Variants in NRXN3 observed in about 807,000 individuals in gnomAD.
NRXN3 encodes neurexin III.
Under a neutral mutation model 137.6 loss-of-function variants are expected in NRXN3, and 32 were observed. The observed-to-expected ratio is 0.23, with a 90% CI of 0.18 to 0.31. The LOEUF (loss-of-function observed/expected upper bound fraction) is 0.31. Ranked by LOEUF, NRXN3 falls within the 10% of genes least tolerant of loss-of-function variation. NRXN3 has a pLI of 1.00. For synonymous variants in NRXN3, 798 were observed against 784.5 expected (o/e 1.02, Z -0.29); for missense variants, 1,574 against 2,062.5 (o/e 0.76, Z 4.59).
chr14:79,694,494 G>C (rs190101001), intron 18 of NRXN3, among the ~76,000 whole-genome samples: 208 of 151,588 alleles, frequency 1.4e-3, no homozygotes, highest in Non-Finnish European at 2.7e-3. Context: ...ATAGTTCTCA[G>C]ATTAGGATAT....
At chr14:78,744,313 G>C (rs1484246838) in intron 8 of NRXN3, 1 of 152,202 alleles carries the variant, frequency 6.6e-6, no homozygotes, top group African/African-American at 2.4e-5. Flanking sequence ...GTTTCTAGTA[G>C]AGGCGGGGTT....
intron 19 of NRXN3, among the ~76,000 whole-genome samples, chr14:79,776,787 A>G (rs1254080165): frequency 1.3e-5 from 2 of 152,174 alleles, no homozygotes; most frequent in Non-Finnish European, 2.9e-5. Flanking sequence ...TTTTTTCCCA[A>G]TGTACTGGGG....
At chr14:79,395,681 C>T (rs549481781) in intron 15 of NRXN3, among the ~76,000 whole-genome samples, 5 of 151,936 alleles carry the variant, frequency 3.3e-5, no homozygotes, top group East Asian at 1.9e-4. Flanking sequence ...TGGTGGTGGG[C>T]GCCTGTAGTC....
intron 15 of NRXN3, among the ~76,000 whole-genome samples, chr14:79,058,222 G>A (rs2099668558): frequency 6.6e-6 from 1 of 152,076 alleles, no homozygotes; most frequent in African/African-American, 2.4e-5. Context: ...TCAAACTGAG[G>A]TTGGAAACCA....
At chr14:79,126,349 A>G (rs1472443121) in intron 15 of NRXN3, among the ~76,000 whole-genome samples, 5 of 63,634 alleles carry the variant, frequency 7.9e-5, no homozygotes, top group Non-Finnish European at 1.1e-4. Context: ...GACCGTCCCC[A>G]GAGTGTGATG....
rs1268614101 is a variant in NRXN3, at chr14:79,617,923, A to AAAAAACAAAAAAAACAAAAAAAAAC, written c.3445-45850_3445-45849insCAAAAAAAACAAAAAAAAACAAAAA. 4.0e-5 allele frequency among the ~76,000 whole-genome samples: 6 copies of AAAAAACAAAAAAAACAAAAAAAAAC among 149,848 alleles called. 1 individual carries two copies. Among genetic ancestry groups the AAAAAACAAAAAAAACAAAAAAAAAC allele is most frequent in the African/African-American group, 1.5e-4 (6 of 39,542 alleles). On this transcript the variant is annotated intron_variant, in intron 16 of 20. Transcript: ENST00000335750. ...GATAGGAGCTGAATAGCAGCAAAAA[A>AAAAAACAAAAAAAACAAAAAAAAAC]AAAAAAAAACATGCTTATGAAGAGC...
intron 16 of NRXN3, among the ~76,000 whole-genome samples, chr14:79,555,288 G>C (rs1219369753): frequency 6.6e-6 from 1 of 152,162 alleles, no homozygotes; most frequent in African/African-American, 2.4e-5. Flanking sequence ...GGAAGGGTAA[G>C]ACTATAGTAT....
chr14:78,547,071 C>A (rs1431971642), intron 4 of NRXN3, among the ~76,000 whole-genome samples: 1 of 152,146 alleles, frequency 6.6e-6, no homozygotes, highest in Non-Finnish European at 1.5e-5. Flanking sequence ...CTCACATATA[C>A]CAGAGTTTAT....
intron 8 of NRXN3, among the ~76,000 whole-genome samples, chr14:78,715,667 G>A (rs1337742836): frequency 6.6e-6 from 1 of 152,138 alleles, no homozygotes; most frequent in Middle Eastern, 3.2e-3. Flanking sequence ...CATAAACTCT[G>A]GGGCCAGACT....
chr14:79,410,396 G>A lies in NRXN3; in HGVS notation c.3263-56825G>A, dbSNP rs61993135. ...TGTATTATTTATAGGGGCTTCTTTC[G>A]TGTGTTCGTTTAAAATGTAGTTATC... On this transcript the variant is annotated intron_variant, in intron 15 of 20. Transcript: ENST00000335750. 4.0e-3 allele frequency among the ~76,000 whole-genome samples: 600 copies of A among 151,464 alleles called. 6 individuals are homozygous for A. The highest frequency in any genetic ancestry group is 5.6e-3 in the Non-Finnish European group (380 of 67,862).
intron 15 of NRXN3, among the ~76,000 whole-genome samples, chr14:79,143,628 A>T (rs888156974): frequency 6.6e-6 from 1 of 152,252 alleles, no homozygotes; most frequent in Non-Finnish European, 1.5e-5. Context: ...ATACTGCAGA[A>T]TAAATATGAT....
intron 10 of NRXN3, among the ~76,000 whole-genome samples, chr14:78,953,752 G>T (rs17108397): frequency 6.6e-6 from 1 of 151,808 alleles, no homozygotes; most frequent in African/African-American, 2.4e-5. Context: ...GAGAATCAAA[G>T]GATTTTTTTT....
chr14:78,960,699 C>T lies in NRXN3; in HGVS notation c.2395+3338C>T, dbSNP rs544125149. Among the ~76,000 whole-genome samples, 6 of 152,282 alleles carry T rather than the reference C, an allele frequency of 3.9e-5. No individual in the cohort carries two copies. The South Asian group carries it at 8.3e-4, about 21-fold the overall frequency. ...GGGCCTAATGCTGCATGAACTGCCT[C>T]CTCTGCCTAGAACTTCTTGCTAGTA... On this transcript the variant is annotated intron_variant, in intron 11 of 20. Coordinates refer to ENST00000335750, the MANE Select transcript of NRXN3 (RefSeq NM_001330195.2).
At chr14:78,431,365 C>T (rs2093872299) in intron 4 of NRXN3, among the ~76,000 whole-genome samples, 1 of 152,150 alleles carries the variant, frequency 6.6e-6, no homozygotes, top group African/African-American at 2.4e-5. Context: ...GAAGAGTATC[C>T]TCGAACACCC....
chr14:79,714,580 T>A (rs1196017319), intron 19 of NRXN3, among the ~76,000 whole-genome samples: 1 of 152,214 alleles, frequency 6.6e-6, no homozygotes, highest in Non-Finnish European at 1.5e-5. Flanking sequence ...TTAGGAGATT[T>A]GAGGTAACTG....
chr14:78,772,947 T>G (rs2153002050), intron 8 of NRXN3, among the ~76,000 whole-genome samples: 1 of 152,348 alleles, frequency 6.6e-6, no homozygotes, highest in South Asian at 2.1e-4. Flanking sequence ...GTAATGTCCT[T>G]CAATTCTATA....
In NRXN3 at chr14:79,493,213, T is replaced by C. The variant is rs113375492; in HGVS notation, c.3444+25811T>C. Among the ~76,000 whole-genome samples, 8 of 152,366 alleles carry C rather than the reference T, an allele frequency of 5.3e-5. 2 individuals carry two copies. Among genetic ancestry groups the C allele is most frequent in the African/African-American group, 1.9e-4 (8 of 41,588 alleles). ...CCACACAAAACGTTAATTGCTTTTC[T>C]TGGTGAATCCTAAGAAAGTGCTGGG... On this transcript the variant is annotated intron_variant, in intron 16 of 20. Transcript: ENST00000335750.
intron 19 of NRXN3, among the ~76,000 whole-genome samples, chr14:79,773,122 G>GA: frequency 6.6e-6 from 1 of 152,114 alleles, no homozygotes; most frequent in Non-Finnish European, 1.5e-5. Flanking sequence ...AAAAAGTCAG[G>GA]AAACAACAGG....
chr14:79,367,290 T>A (rs948718086), intron 15 of NRXN3, among the ~76,000 whole-genome samples: 2 of 152,196 alleles, frequency 1.3e-5, no homozygotes, highest in African/African-American at 4.8e-5. Context: ...GCCCCCTTAG[T>A]CTGACTGACC....
Sources: allele counts gnomAD v4.1 joint callset (sites outside exome capture counted in the v4.1 genomes callset), GRCh38; gene constraint gnomAD v4.1.1; transcripts MANE v1.5; gene names NCBI Gene and HGNC (gene_info 2026-07-23, HGNC 2026-07-21).